Variants in ATP9B observed in about 807,000 individuals in gnomAD.
ATP9B encodes the protein ATPase phospholipid transporting 9B, also known as probable phospholipid-transporting ATPase IIB.
Under a neutral mutation model 146.1 loss-of-function variants are expected in ATP9B, and 110 were observed. The ratio of observed to expected loss-of-function variants is 0.75; its 90% CI spans 0.65 to 0.88. The LOEUF is 0.88. ATP9B is among the 40% of genes least tolerant of loss of function. The pLI, the probability that ATP9B is intolerant of heterozygous loss-of-function variation, is 0.00. For missense variants in ATP9B, 1,499 were observed against 1,496.4 expected, an observed-to-expected ratio of 1.00 and a Z score of -0.03; for synonymous variants, 604 against 569.7, an observed-to-expected ratio of 1.06 and a Z score of -0.86.
Position 79,314,870 on chromosome 18 carries a change from G to C in ATP9B, c.1773+7636G>C, listed in dbSNP as rs73973069. On this transcript the variant is annotated intron_variant, in intron 15 of 29. Coordinates refer to ENST00000426216, the MANE Select transcript of ATP9B (RefSeq NM_198531.5). Reference sequence around the variant, plus strand: ...ACTAGTGGCATGAGCCCTCGGAGAAGGACAGAAGCTCGGTGGGCAGAGCCT... The same window carrying C: ...ACTAGTGGCATGAGCCCTCGGAGAACGACAGAAGCTCGGTGGGCAGAGCCT... Among the ~76,000 whole-genome samples, 790 of 152,348 alleles carry C rather than the reference G, an allele frequency of 5.2e-3. 12 individuals carry two copies. The highest frequency in any genetic ancestry group is 0.017 in the African/African-American group (718 of 41,576).
chr18:79,072,922 C>T (rs902586897), intron 1 of ATP9B, among the ~76,000 whole-genome samples: 24 of 150,252 alleles, frequency 1.6e-4, no homozygotes, highest in East Asian at 5.9e-4. Context: ...ACAGGGCGGC[C>T]GGGCAGAGGC....
chr18:79,275,602 T>G (rs1284103276), intron 12 of ATP9B, among the ~76,000 whole-genome samples: 1 of 152,206 alleles, frequency 6.6e-6, no homozygotes, highest in Non-Finnish European at 1.5e-5. Flanking sequence ...GCCCATTTGT[T>G]AGGAGGCACT....
intron 8 of ATP9B, among the ~76,000 whole-genome samples, chr18:79,187,926 C>T (rs2095323874): frequency 6.6e-6 from 1 of 152,098 alleles, no homozygotes; most frequent in Non-Finnish European, 1.5e-5. Flanking sequence ...CGAATCTTCT[C>T]TGTTAAAGAT....
chr18:79,314,187 A>C (rs1455989590), intron 15 of ATP9B, among the ~76,000 whole-genome samples: 1 of 152,238 alleles, frequency 6.6e-6, no homozygotes, highest in Middle Eastern at 3.2e-3. Flanking sequence ...CAACATTATC[A>C]TTTGAGAGAC....
intron 16 of ATP9B, 31 bp downstream of exon 16, chr18:79,329,333 G>A: frequency 6.6e-7 from 1 of 1,514,962 alleles, no homozygotes; most frequent in Non-Finnish European, 8.9e-7. Context: ...CCACGCGATG[G>A]CTTCAGACAT....
At chr18:79,329,437 T>C (rs1482085297) in intron 16 of ATP9B, 135 bp downstream of exon 16, 1 of 1,081,320 alleles carries the variant, frequency 9.2e-7, no homozygotes, top group African/African-American at 1.6e-5. Flanking sequence ...TTTGTTTTTT[T>C]TTTTTAATGA....
At chr18:79,080,856 T>G (rs1428058208) in intron 1 of ATP9B, among the ~76,000 whole-genome samples, 1 of 152,270 alleles carries the variant, frequency 6.6e-6, no homozygotes, top group Admixed American at 6.5e-5. Context: ...ATCAAAGGCC[T>G]TTTCTGCATC....
rs749890416 is a variant in ATP9B, at chr18:79,345,475, G to T, written c.2520G>T (p.Gln840His). 26 of 1,613,796 alleles carry T rather than the reference G, an allele frequency of 1.6e-5. No individual in the cohort carries two copies. The highest frequency in any genetic ancestry group is 1.2e-4 in the Admixed American group (7 of 60,008). ...ATGAATTTGTGGAGCTGGCCTGCCA[G>T]TGCCCTGCCGTGGTTTGCTGCCGCT... The part of the protein sequence containing the change: ...YEHEFVELAC[Q>H]CPAVVCCRCS... The change falls in exon 22 of 30, where the codon CAG becomes CAT. Residue 840 changes from glutamine to histidine, a missense_variant. Physicochemically the swap from Gln to His is conservative, Grantham distance 24 (BLOSUM62 0). Transcript: ENST00000426216.
At chr18:79,071,195 G>T (rs2071727156) in intron 1 of ATP9B, among the ~76,000 whole-genome samples, 2 of 150,940 alleles carry the variant, frequency 1.3e-5, no homozygotes, top group Admixed American at 6.6e-5. Flanking sequence ...TCACCATGGT[G>T]TATTGCTGTA....
At chr18:79,073,277 C>CG (rs1016458791) in intron 1 of ATP9B, among the ~76,000 whole-genome samples, 8 of 152,142 alleles carry the variant, frequency 5.3e-5, no homozygotes, top group African/African-American at 1.9e-4. Flanking sequence ...CCAAGGCAGG[C>CG]GGCTGGGAAG....
intron 7 of ATP9B, among the ~76,000 whole-genome samples, chr18:79,161,919 A>G (rs1035055155): frequency 6.6e-6 from 1 of 152,238 alleles, no homozygotes; most frequent in Non-Finnish European, 1.5e-5. Flanking sequence ...CTTTCAAGCT[A>G]TATAAAATTT....
At chr18:79,350,411 G>C (rs2096916289) in intron 25 of ATP9B, among the ~76,000 whole-genome samples, 1 of 152,200 alleles carries the variant, frequency 6.6e-6, no homozygotes, top group Admixed American at 6.5e-5. Flanking sequence ...CTCTCTTTTT[G>C]TGGCCCACAA....
At chr18:79,196,570 A>C (rs967473987) in intron 9 of ATP9B, among the ~76,000 whole-genome samples, 1 of 152,212 alleles carries the variant, frequency 6.6e-6, no homozygotes, top group African/African-American at 2.4e-5. Flanking sequence ...AAGCAAGGAG[A>C]GTAGGATGAA....
chr18:79,376,230 A>T (rs2097102723), intron 29 of ATP9B: 1 of 981,152 alleles, frequency 1.0e-6, no homozygotes, highest in African/African-American at 1.8e-5. Flanking sequence ...AAAACAAAAA[A>T]ATGGCTAGCC....
At chr18:79,374,245 G>A in intron 28 of ATP9B, 144 bp downstream of exon 28, 1 of 996,536 alleles carries the variant, frequency 1.0e-6, no homozygotes, top group East Asian at 2.6e-5. Context: ...TACTGTCCCT[G>A]CACCACGGAT....
intron 7 of ATP9B, among the ~76,000 whole-genome samples, chr18:79,175,615 G>A (rs910763350): frequency 1.3e-5 from 2 of 152,144 alleles, no homozygotes; most frequent in African/African-American, 4.8e-5. Flanking sequence ...GTACACTTGT[G>A]TGCACACAGA....
intron 15 of ATP9B, among the ~76,000 whole-genome samples, chr18:79,322,349 A>G (rs989595142): frequency 6.6e-6 from 1 of 152,224 alleles, no homozygotes; most frequent in Non-Finnish European, 1.5e-5. Flanking sequence ...GAATTGAGAC[A>G]GCGAGTGTTG....
intron 20 of ATP9B, 53 bp from the exon 21 acceptor site, chr18:79,344,212 C>A: frequency 1.3e-6 from 2 of 1,493,008 alleles, no homozygotes; most frequent in Non-Finnish European, 1.9e-6. Flanking sequence ...TTTCTCTGTG[C>A]CTGTAACTTA....
intron 5 of ATP9B, among the ~76,000 whole-genome samples, chr18:79,132,593 G>A (rs547557907): frequency 7.9e-5 from 12 of 152,264 alleles, no homozygotes; most frequent in South Asian, 4.1e-4. Flanking sequence ...AGTAAAATCC[G>A]TAGTATTAAA....
Sources: allele counts gnomAD v4.1 joint callset (sites outside exome capture counted in the v4.1 genomes callset), GRCh38; gene constraint gnomAD v4.1.1; transcripts MANE v1.5; gene names NCBI Gene and HGNC (gene_info 2026-07-23, HGNC 2026-07-21).